RAPGEF2: variants seen among roughly 807,000 people sequenced by gnomAD.
The protein encoded by RAPGEF2 is Rap guanine nucleotide exchange factor 2, also known as PDZ domain containing guanine nucleotide exchange factor (GEF) 1.
A neutral mutation model predicts 186.7 loss-of-function variants in RAPGEF2; 54 were observed. The ratio of observed to expected loss-of-function variants is 0.29; its 90% CI spans 0.23 to 0.36. The LOEUF is 0.36. Among genes scored for constraint, RAPGEF2 ranks in the 10% least tolerant of loss-of-function variants. The probability of loss-of-function intolerance (pLI) is 1.00; values close to 1 mark genes in which losing one functional copy is unlikely to be tolerated. For missense variants in RAPGEF2, 1,532 were observed against 2,045.0 expected (o/e 0.75, Z 4.84); for synonymous variants, 712 against 705.9 (o/e 1.01, Z -0.14).
rs1435248527 is a variant in RAPGEF2, at chr4:159,190,985, T to C, written c.141-2215T>C. Among the ~76,000 whole-genome samples, 8 of 152,338 alleles carry C rather than the reference T, an allele frequency of 5.3e-5. 1 individual carries two copies. In the East Asian group the frequency reaches 1.3e-3, roughly 26 times the overall value. On this transcript the variant is annotated intron_variant, in intron 2 of 29. Coordinates refer to ENST00000691494, the MANE Select transcript of RAPGEF2 (RefSeq NM_001394067.2). ...GTAAGCATGAGGTGGCTGTTACATA[T>C]TCAAGTGGCAGCACTGAGTAGGCAT...
intron 7 of RAPGEF2, among the ~76,000 whole-genome samples, chr4:159,252,776 T>G (rs1205788553): frequency 6.6e-6 from 1 of 152,220 alleles, no homozygotes; most frequent in Non-Finnish European, 1.5e-5. Flanking sequence ...GCAGCAGTTT[T>G]CAAACAGTTT....
At chr4:159,318,356 A>G (rs2111131223) in intron 9 of RAPGEF2, among the ~76,000 whole-genome samples, 1 of 152,342 alleles carries the variant, frequency 6.6e-6, no homozygotes, top group Non-Finnish European at 1.5e-5. Context: ...TTTATATAAA[A>G]TACAAACATC....
chr4:159,271,585 TAG>T (rs1407767349), intron 7 of RAPGEF2, among the ~76,000 whole-genome samples: 1 of 152,198 alleles, frequency 6.6e-6, no homozygotes, highest in Non-Finnish European at 1.5e-5. Context: ...TAGTAAGTGG[TAG>T]AGCCATCATT....
intron 3 of RAPGEF2, among the ~76,000 whole-genome samples, chr4:159,195,875 GTT>G (rs34827512): frequency 0.014 from 1,314 of 94,106 alleles, 13 homozygotes; most frequent in African/African-American, 0.038. Flanking sequence ...AAACATACCT[GTT>G]TTTTTTTTTT....
chr4:159,265,230 T>C (rs1037293191), intron 7 of RAPGEF2, among the ~76,000 whole-genome samples: 1 of 152,156 alleles, frequency 6.6e-6, no homozygotes, highest in Admixed American at 6.5e-5. Context: ...CAGACAGATA[T>C]GGCACCAGCC....
intron 1 of RAPGEF2, among the ~76,000 whole-genome samples, chr4:159,138,865 G>A (rs914509769): frequency 2.0e-5 from 3 of 152,276 alleles, no homozygotes; most frequent in East Asian, 3.9e-4. Context: ...CTAAATTATA[G>A]TTTATAGGCA....
intron 1 of RAPGEF2, among the ~76,000 whole-genome samples, chr4:159,106,890 T>C (rs536611363): frequency 6.6e-6 from 1 of 152,320 alleles, no homozygotes; most frequent in African/African-American, 2.4e-5. Flanking sequence ...CCAGGAACTT[T>C]CATAAATTGG....
intron 1 of RAPGEF2, chr4:159,128,845 G>GACAT (rs1192896537): frequency 2.8e-5 from 4 of 145,358 alleles, no homozygotes; most frequent in Admixed American, 6.8e-5. Flanking sequence ...ATGTGTAACA[G>GACAT]ACATACATAC....
chr4:159,104,255 C>T (rs772877253), intron 1 of RAPGEF2, 24 bp downstream of exon 1: 9 of 1,168,630 alleles, frequency 7.7e-6, no homozygotes, highest in South Asian at 5.8e-5. Context: ...GGCCGCCTGC[C>T]CTTGGCCGGA....
At chr4:159,146,387 T>G (rs1449331520) in intron 1 of RAPGEF2, among the ~76,000 whole-genome samples, 1 of 151,846 alleles carries the variant, frequency 6.6e-6, no homozygotes, top group African/African-American at 2.4e-5. Context: ...TTTGGTGCAT[T>G]GTAGGGATTA....
chr4:159,357,125 T>C (rs1234105786), intron 29 of RAPGEF2, among the ~76,000 whole-genome samples: 1 of 152,140 alleles, frequency 6.6e-6, no homozygotes, highest in Non-Finnish European at 1.5e-5. Flanking sequence ...TTTGGGAGGC[T>C]GAGGTGGGAG....
intron 3 of RAPGEF2, 45 bp downstream of exon 3, chr4:159,193,301 C>T (rs1748303738): frequency 1.6e-6 from 2 of 1,249,522 alleles, no homozygotes; most frequent in Admixed American, 3.0e-5. Context: ...AATCCAGTGA[C>T]TAAATTTTCT....
chr4:159,236,455 AAC>A (rs1753267330), intron 4 of RAPGEF2, among the ~76,000 whole-genome samples: 2 of 152,246 alleles, frequency 1.3e-5, no homozygotes, highest in South Asian at 4.1e-4. Flanking sequence ...TAAAATAAAT[AAC>A]AGTTATATAG....
intron 7 of RAPGEF2, among the ~76,000 whole-genome samples, chr4:159,299,377 A>G (rs1207202054): frequency 3.9e-5 from 6 of 151,944 alleles, no homozygotes; most frequent in Non-Finnish European, 1.5e-5. Context: ...ATTTCTCAGC[A>G]GTCCTAAGAT....
At chr4:159,277,554 T>C (rs1368660488) in intron 7 of RAPGEF2, among the ~76,000 whole-genome samples, 1 of 152,200 alleles carries the variant, frequency 6.6e-6, no homozygotes, top group Non-Finnish European at 1.5e-5. Flanking sequence ...AGTGTAAAAG[T>C]GTTCCTGTTT....
At chr4:159,344,168 T>G in intron 23 of RAPGEF2, 109 bp downstream of exon 23, 1 of 1,181,420 alleles carries the variant, frequency 8.5e-7, no homozygotes, top group South Asian at 1.3e-5. Flanking sequence ...ATTTTTTTCC[T>G]TAACCCTCGT....
chr4:159,346,977 G>C lies in RAPGEF2; in HGVS notation c.3691G>C (p.Val1231Leu). 6.2e-7 allele frequency: 1 copy of C among 1,613,754 alleles called. No individual in the cohort carries two copies. The highest frequency in any genetic ancestry group is 1.7e-5 in the Admixed American group (1 of 60,012). The change falls in exon 25 of 30, where the codon GTA (valine) becomes CTA (leucine). Residue 1231 changes from valine to leucine, a missense_variant. Physicochemically the swap from Val to Leu is conservative, Grantham distance 32. Around this residue, in one of 4 missense-constraint regions of RAPGEF2, gnomAD observed 594 missense variants for 608.5 expected, o/e 0.98. Coordinates refer to ENST00000691494, the MANE Select transcript of RAPGEF2 (RefSeq NM_001394067.2). ...TTATCCTTCACGGAAGAAAGTGCCC[G>C]TAAAGGATCTCCCACCTTTTGGTAA... ...SLYPSRKKVPVKDLPPFGINS... is the reference protein window; with the variant it reads ...SLYPSRKKVPLKDLPPFGINS...
intron 4 of RAPGEF2, among the ~76,000 whole-genome samples, chr4:159,214,168 A>G (rs1750789300): frequency 1.3e-5 from 2 of 152,200 alleles, no homozygotes; most frequent in Non-Finnish European, 2.9e-5. Context: ...GAATATAGAA[A>G]CAGAGCAAAC....
At chr4:159,293,862 G>T (rs1761563977) in intron 7 of RAPGEF2, among the ~76,000 whole-genome samples, 1 of 152,174 alleles carries the variant, frequency 6.6e-6, no homozygotes, top group South Asian at 2.1e-4. Context: ...CTCTTTAATG[G>T]AAAGGGAAAG....
Sources: allele counts gnomAD v4.1 joint callset (sites outside exome capture counted in the v4.1 genomes callset), GRCh38; gene constraint gnomAD v4.1.1; regional missense constraint gnomAD v4.1.1; transcripts MANE v1.5; gene names NCBI Gene and HGNC (gene_info 2026-07-23, HGNC 2026-07-21).